TENM3: variants seen among roughly 807,000 people sequenced by gnomAD.
TENM3 encodes the protein teneurin-3.
TENM3 carries 63 observed loss-of-function variants against 255.1 expected under a neutral mutation model. That is an observed-to-expected ratio of 0.25 (90% CI 0.20 to 0.30). The LOEUF (loss-of-function observed/expected upper bound fraction) is 0.30, where lower values mean the gene tolerates loss of function less well. Among genes scored for constraint, TENM3 ranks in the 10% least tolerant of loss-of-function variants. TENM3 has a pLI of 1.00. For synonymous variants in TENM3, 1,306 were observed against 1,322.3 expected (o/e 0.99, Z 0.27); for missense variants, 2,929 against 3,461.1 (o/e 0.85, Z 3.86).
chr4:181,893,273 A>G, the TENM3 span, among the ~76,000 whole-genome samples: 1 of 152,212 alleles, frequency 6.6e-6, no homozygotes, highest in African/African-American at 2.4e-5. Context: ...AACTCCAGGC[A>G]AAAATACAGA....
intron 3 of TENM3, among the ~76,000 whole-genome samples, chr4:182,393,380 C>G (rs1768572194): frequency 6.6e-6 from 1 of 152,120 alleles, no homozygotes; most frequent in Non-Finnish European, 1.5e-5. Flanking sequence ...TTTAGACATA[C>G]ATACACAGAG....
chr4:182,058,832 A>C, the TENM3 span, among the ~76,000 whole-genome samples: 1 of 152,048 alleles, frequency 6.6e-6, no homozygotes, highest in African/African-American at 2.4e-5. Context: ...GAAGACATAA[A>C]ATATTAGTTA....
At chr4:181,863,665 G>T in the TENM3 span, among the ~76,000 whole-genome samples, 1 of 151,878 alleles carries the variant, frequency 6.6e-6, no homozygotes, top group East Asian at 1.9e-4. Context: ...AGGGTAGTAG[G>T]CCACAGGCAA....
At chr4:181,814,476 G>A in the TENM3 span, among the ~76,000 whole-genome samples, 1 of 152,078 alleles carries the variant, frequency 6.6e-6, no homozygotes, top group Non-Finnish European at 1.5e-5. Flanking sequence ...TGAAAAATAA[G>A]TAAGGACATA....
chr4:181,451,135 G>A, the TENM3 span, among the ~76,000 whole-genome samples: 9 of 152,126 alleles, frequency 5.9e-5, no homozygotes, highest in Non-Finnish European at 8.8e-5. Flanking sequence ...TGGGGGTTAC[G>A]TAGAGGATGT....
At chr4:181,952,403 G>C in the TENM3 span, among the ~76,000 whole-genome samples, 1 of 152,148 alleles carries the variant, frequency 6.6e-6, no homozygotes, top group Non-Finnish European at 1.5e-5. Flanking sequence ...CCTGTCTGCC[G>C]CTGGTAATTG....
At chr4:182,739,934 G>C (rs1462895162) in intron 18 of TENM3, among the ~76,000 whole-genome samples, 2 of 152,316 alleles carry the variant, frequency 1.3e-5, no homozygotes, top group East Asian at 3.9e-4. Flanking sequence ...AACTCGGGAG[G>C]CTGAGGTGGG....
At chr4:181,718,749 C>G in the TENM3 span, among the ~76,000 whole-genome samples, 1 of 152,022 alleles carries the variant, frequency 6.6e-6, no homozygotes. Flanking sequence ...GGAATGTGTC[C>G]AGCTGGCCCT....
At chr4:181,858,565 G>C in the TENM3 span, among the ~76,000 whole-genome samples, 3 of 152,262 alleles carry the variant, frequency 2.0e-5, no homozygotes, top group South Asian at 4.1e-4. Flanking sequence ...TGCTCTCATG[G>C]AGCTTGAAAT....
chr4:182,078,703 A>G, the TENM3 span, among the ~76,000 whole-genome samples: 1 of 152,178 alleles, frequency 6.6e-6, no homozygotes, highest in South Asian at 2.1e-4. Flanking sequence ...TACTGCAGAC[A>G]TCCAAGTAAT....
chr4:182,128,327 T>C, the TENM3 span, among the ~76,000 whole-genome samples: 1 of 151,970 alleles, frequency 6.6e-6, no homozygotes, highest in East Asian at 1.9e-4. Context: ...TTTGTACTTG[T>C]TTCTTTCTTT....
chr4:182,627,494 T>A (rs1310883441), intron 4 of TENM3, among the ~76,000 whole-genome samples: 1 of 152,178 alleles, frequency 6.6e-6, no homozygotes. Flanking sequence ...AGTATTTAGC[T>A]ATGTCTTATC....
chr4:182,471,368 C>T (rs1394269843), intron 3 of TENM3, among the ~76,000 whole-genome samples: 5 of 152,110 alleles, frequency 3.3e-5, no homozygotes, highest in African/African-American at 7.2e-5. Flanking sequence ...TGTAGTGCTA[C>T]GATCACTGAG....
intron 4 of TENM3, among the ~76,000 whole-genome samples, chr4:182,608,260 T>A (rs1002286136): frequency 1.3e-5 from 2 of 152,092 alleles, no homozygotes; most frequent in African/African-American, 4.8e-5. Flanking sequence ...ATTGATTGAT[T>A]GATATTTTTT....
chr4:182,332,116 AAAATAGATT>A (rs1447194141), intron 2 of TENM3, among the ~76,000 whole-genome samples: 1 of 152,188 alleles, frequency 6.6e-6, no homozygotes, highest in Non-Finnish European at 1.5e-5. Context: ...AAAAATTCAG[AAAATAGATT>A]TTATAAGCCA....
chr4:182,384,189 A>G (rs557416772), intron 3 of TENM3, among the ~76,000 whole-genome samples: 2 of 152,354 alleles, frequency 1.3e-5, no homozygotes, highest in East Asian at 3.9e-4. Flanking sequence ...TTCAAATGAA[A>G]AAACATATAC....
At chr4:181,518,350 G>A in the TENM3 span, among the ~76,000 whole-genome samples, 2 of 151,934 alleles carry the variant, frequency 1.3e-5, no homozygotes, top group Non-Finnish European at 2.9e-5. Context: ...AATTTGACAA[G>A]ATGGTATATA....
intron 6 of TENM3, among the ~76,000 whole-genome samples, chr4:182,661,126 T>A (rs1371495723): frequency 6.6e-6 from 1 of 152,116 alleles, no homozygotes; most frequent in East Asian, 1.9e-4. Flanking sequence ...AATATGTGTG[T>A]ATGTGTATAT....
At chr4:182,100,658 C>T in the TENM3 span, among the ~76,000 whole-genome samples, 1 of 103,594 alleles carries the variant, frequency 9.7e-6, no homozygotes, top group Non-Finnish European at 1.9e-5. Context: ...CACATATATA[C>T]ACATATATAC....
Sources: gnomAD v4.1 joint callset for allele counts (sites outside exome capture counted in the v4.1 genomes callset) on GRCh38, gnomAD v4.1.1 for gene constraint, MANE v1.5 for transcripts, NCBI Gene and HGNC (gene_info 2026-07-23, HGNC 2026-07-21) for gene names.